MARCHF1: variants seen among roughly 807,000 people sequenced by gnomAD.
MARCHF1 encodes E3 ubiquitin-protein ligase MARCHF1.
In MARCHF1, 40 loss-of-function variants were observed where a neutral mutation model predicts 54.2. The observed-to-expected ratio is 0.74, with a 90% CI of 0.57 to 0.96. MARCHF1 has a LOEUF of 0.96. Ranked by LOEUF, MARCHF1 falls within the 40% of genes least tolerant of loss-of-function variation. The pLI is 0.00. For missense variants in MARCHF1, 586 were observed against 656.5 expected, an observed-to-expected ratio of 0.89 and a Z score of 1.17; for synonymous variants, 236 against 236.3, an observed-to-expected ratio of 1.00 and a Z score of 0.01.
chr4:163,803,339 A>C (rs1748135017), intron 4 of MARCHF1, among the ~76,000 whole-genome samples: 1 of 151,902 alleles, frequency 6.6e-6, no homozygotes. Flanking sequence ...ACGCCTGGCT[A>C]ATTTTGTATT....
At chr4:164,097,208 T>G (rs1755434695) in intron 2 of MARCHF1, among the ~76,000 whole-genome samples, 1 of 152,168 alleles carries the variant, frequency 6.6e-6, no homozygotes, top group Non-Finnish European at 1.5e-5. Flanking sequence ...TTAAAGATCT[T>G]GGTAAATATA....
At chr4:163,737,551 A>AT (rs1239831682) in intron 4 of MARCHF1, among the ~76,000 whole-genome samples, 2 of 112,790 alleles carry the variant, frequency 1.8e-5, no homozygotes, top group African/African-American at 2.8e-5. Flanking sequence ...TGAACTCATC[A>AT]TTTTTTATGG....
chr4:164,092,592 C>T (rs1755328229), intron 2 of MARCHF1, among the ~76,000 whole-genome samples: 1 of 152,138 alleles, frequency 6.6e-6, no homozygotes, highest in African/African-American at 2.4e-5. Flanking sequence ...TCTATTAGGA[C>T]CAATAACCAA....
intron 5 of MARCHF1, among the ~76,000 whole-genome samples, chr4:163,620,651 GCA>G (rs147923508): frequency 1.1e-4 from 10 of 88,278 alleles, no homozygotes; most frequent in African/African-American, 2.4e-4. Context: ...AGAGAGACAC[GCA>G]CACACACACA....
intron 1 of MARCHF1, among the ~76,000 whole-genome samples, chr4:164,119,773 A>G (rs533636512): frequency 1.3e-5 from 2 of 152,066 alleles, no homozygotes; most frequent in East Asian, 3.9e-4. Flanking sequence ...ATAGAAAAAT[A>G]CAATTTACAA....
At chr4:164,199,321 A>G (rs1416085761) in intron 1 of MARCHF1, among the ~76,000 whole-genome samples, 1 of 152,152 alleles carries the variant, frequency 6.6e-6, no homozygotes, top group Non-Finnish European at 1.5e-5. Context: ...TGCTTCCCAC[A>G]AATTCATCTA....
At chr4:164,267,252 G>A (rs1733634104) in intron 1 of MARCHF1, among the ~76,000 whole-genome samples, 1 of 152,032 alleles carries the variant, frequency 6.6e-6, no homozygotes, top group South Asian at 2.1e-4. Flanking sequence ...TCTACCTCTT[G>A]GTATTTATAC....
intron 2 of MARCHF1, among the ~76,000 whole-genome samples, chr4:164,058,132 G>A (rs1191338420): frequency 6.6e-6 from 1 of 152,098 alleles, no homozygotes; most frequent in Non-Finnish European, 1.5e-5. Flanking sequence ...GGAGTTGGGG[G>A]CTAGGGGAGG....
In MARCHF1 at chr4:164,056,437, T is replaced by C. The variant is rs535274879; in HGVS notation, c.-248+55151A>G. ...GAGACAAAGTTTCCATGAGAACCTTTAGATTCTCACTTGGGTTCCTTTACT... is the reference window on the plus strand; with the variant it reads ...GAGACAAAGTTTCCATGAGAACCTTCAGATTCTCACTTGGGTTCCTTTACT... On this transcript the variant is annotated intron_variant, in intron 2 of 9. Transcript: ENST00000514618. 3.9e-5 allele frequency among the ~76,000 whole-genome samples: 6 copies of C among 152,306 alleles called. No individual in the cohort carries two copies. In the South Asian group the frequency reaches 1.0e-3, roughly 26 times the overall value.
At chr4:163,564,542 C>G (rs1404349597) in intron 8 of MARCHF1, among the ~76,000 whole-genome samples, 2 of 152,098 alleles carry the variant, frequency 1.3e-5, no homozygotes, top group Non-Finnish European at 2.9e-5. Context: ...AATGTGGCTA[C>G]CTTTTATGTA....
intron 2 of MARCHF1, among the ~76,000 whole-genome samples, chr4:163,991,187 T>C (rs1752961199): frequency 2.0e-5 from 3 of 152,232 alleles, no homozygotes; most frequent in East Asian, 3.8e-4. Context: ...AGGTTTGTTA[T>C]ATCTTTTTAA....
chr4:164,221,599 C>CT lies in MARCHF1; in HGVS notation c.-322-109938dup, dbSNP rs574680535. Among the ~76,000 whole-genome samples the CT allele has an allele frequency of 1.4e-3, 216 of 151,058 alleles. 4 individuals are homozygous for CT. The East Asian group carries it at 0.034, about 24-fold the overall frequency. On this transcript the variant is annotated intron_variant, in intron 1 of 9. Coordinates refer to ENST00000514618, the MANE Select transcript of MARCHF1 (RefSeq NM_001394959.1). ...TGTAGTGAATTAAACAAATAAGTTTCTTTTTTTTTACATAGACATTTGGAG... is the reference window on the plus strand; with the variant it reads ...TGTAGTGAATTAAACAAATAAGTTTCTTTTTTTTTTACATAGACATTTGGAG...
intron 5 of MARCHF1, among the ~76,000 whole-genome samples, chr4:163,652,191 A>G (rs981066726): frequency 6.6e-6 from 1 of 151,780 alleles, no homozygotes; most frequent in African/African-American, 2.4e-5. Flanking sequence ...CTCCCATAAT[A>G]TTCTGCATTT....
chr4:164,019,609 CAATT>C (rs1228812431), intron 2 of MARCHF1, among the ~76,000 whole-genome samples: 1 of 152,126 alleles, frequency 6.6e-6, no homozygotes, highest in Non-Finnish European at 1.5e-5. Flanking sequence ...ATTGGGCAAT[CAATT>C]GTCTTTGACA....
intron 5 of MARCHF1, among the ~76,000 whole-genome samples, chr4:163,657,843 G>T (rs759424880): frequency 6.6e-6 from 1 of 151,852 alleles, no homozygotes; most frequent in Non-Finnish European, 1.5e-5. Context: ...GGTGCTGGGA[G>T]AACTGGCTAG....
intron 1 of MARCHF1, among the ~76,000 whole-genome samples, chr4:164,252,738 A>G (rs1024718496): frequency 1.3e-5 from 2 of 152,170 alleles, no homozygotes; most frequent in Non-Finnish European, 2.9e-5. Flanking sequence ...TCAATCTGAA[A>G]TAAGTGTAAA....
intron 1 of MARCHF1, among the ~76,000 whole-genome samples, chr4:164,239,927 A>G (rs962464578): frequency 6.6e-6 from 1 of 152,186 alleles, no homozygotes; most frequent in Non-Finnish European, 1.5e-5. Flanking sequence ...ATGTTCTTCT[A>G]TTTCTTGCAT....
At position 163,683,217 on chromosome 4, in the gene MARCHF1, C is replaced by T. The variant is rs573735442; in HGVS notation, c.162+17596G>A. Among the ~76,000 whole-genome samples, 6 of 152,300 alleles carry T rather than the reference C, an allele frequency of 3.9e-5. No individual in the cohort carries two copies. In the East Asian group the frequency reaches 5.8e-4, roughly 15 times the overall value. On this transcript the variant is annotated intron_variant, in intron 5 of 9. Transcript: ENST00000514618. Reference sequence around the variant, plus strand: ...GAGGTTTAATGGACTTACACTTCCACGTGGCTGGGGAGGCCTCACAATCAT... The same window carrying T: ...GAGGTTTAATGGACTTACACTTCCATGTGGCTGGGGAGGCCTCACAATCAT...
At chr4:163,586,272 G>A (rs1321062226) in intron 7 of MARCHF1, among the ~76,000 whole-genome samples, 2 of 152,132 alleles carry the variant, frequency 1.3e-5, no homozygotes, top group African/African-American at 2.4e-5. Flanking sequence ...TTCAGGCTAT[G>A]TGTACAAAGC....
Sources: gnomAD v4.1 joint callset for allele counts (sites outside exome capture counted in the v4.1 genomes callset) on GRCh38, gnomAD v4.1.1 for gene constraint, MANE v1.5 for transcripts, NCBI Gene and HGNC (gene_info 2026-07-23, HGNC 2026-07-21) for gene names.